Variants in TECTA observed in about 807,000 individuals in gnomAD.
TECTA encodes tectorin alpha.
A neutral mutation model predicts 216.8 loss-of-function variants in TECTA; 128 were observed. That is an observed-to-expected ratio of 0.59 (90% CI 0.51 to 0.68). TECTA has a LOEUF of 0.68. Among genes scored for constraint, TECTA ranks in the 30% least tolerant of loss-of-function variants. The pLI is 0.00. For synonymous variants in TECTA, 1,089 were observed against 1,117.1 expected (o/e 0.97, Z 0.50); for missense variants, 2,551 against 2,786.2 (o/e 0.92, Z 1.90).
intron 8 of TECTA, among the ~76,000 whole-genome samples, chr11:121,126,140 G>T (rs1396283233): frequency 6.6e-6 from 1 of 152,192 alleles, no homozygotes; most frequent in Non-Finnish European, 1.5e-5. Flanking sequence ...AGCAGGGGAC[G>T]GCAGCTCCAG....
At chr11:121,125,954 T>C in intron 8 of TECTA, 82 bp downstream of exon 8, 1 of 1,471,564 alleles carries the variant, frequency 6.8e-7, no homozygotes, top group Non-Finnish European at 9.2e-7. Context: ...CCAAATGTCC[T>C]TGTTAAGACT....
At chr11:121,184,038 C>T (rs569111845) in intron 20 of TECTA, among the ~76,000 whole-genome samples, 2 of 152,316 alleles carry the variant, frequency 1.3e-5, no homozygotes, top group African/African-American at 4.8e-5. Flanking sequence ...ATCCTCCCAT[C>T]TTCGCCTCCC....
Position 121,125,349 on chromosome 11 carries a change from A to G in TECTA, c.1251A>G (p.Thr417=). 1 of 1,614,174 alleles carries G rather than the reference A, an allele frequency of 6.2e-7. No homozygotes were observed. Among genetic ancestry groups the G allele is most frequent in the Non-Finnish European group, 8.5e-7 (1 of 1,180,054 alleles). ...TSLPVTLDLG[T]VKIYQSGIST... ...TGCCTGTCACCTTAGACTTGGGGAC[A>G]GTGAAAATCTACCAGAGTGGCATAT... Residue 417 remains threonine (T), a synonymous_variant, in exon 8 of 24, where the codon ACA becomes ACG. Coordinates refer to ENST00000392793, the MANE Select transcript of TECTA (RefSeq NM_005422.4).
chr11:121,103,538 C>G (rs1477358328), intron 2 of TECTA, among the ~76,000 whole-genome samples: 2 of 151,990 alleles, frequency 1.3e-5, no homozygotes, highest in Non-Finnish European at 2.9e-5. Flanking sequence ...CCCTTGACTT[C>G]AACCTCCTAC....
intron 10 of TECTA, among the ~76,000 whole-genome samples, chr11:121,135,429 T>C (rs1053157061): frequency 6.6e-6 from 1 of 152,246 alleles, no homozygotes; most frequent in African/African-American, 2.4e-5. Context: ...TCATGTTATT[T>C]GCTATCACCA....
chr11:121,148,420 A>C (rs913612588), intron 12 of TECTA, among the ~76,000 whole-genome samples: 1 of 152,142 alleles, frequency 6.6e-6, no homozygotes, highest in Non-Finnish European at 1.5e-5. Context: ...TATATGTTTT[A>C]AAGATGGTAT....
chr11:121,153,283 A>G lies in TECTA; in HGVS notation c.4305+203A>G, dbSNP rs686882. On this transcript the variant is annotated intron_variant, in intron 13 of 23. Coordinates refer to ENST00000392793, the MANE Select transcript of TECTA (RefSeq NM_005422.4). ...GGCACTGAGTGTCAGATTTGGAAAAACACCTGAGTGTCTCCTTCCTCCCTC... is the reference window on the plus strand; with the variant it reads ...GGCACTGAGTGTCAGATTTGGAAAAGCACCTGAGTGTCTCCTTCCTCCCTC... 0.46 allele frequency among the ~76,000 whole-genome samples: 69,124 copies of G among 151,784 alleles called. 18,296 individuals carry two copies. Among genetic ancestry groups the G allele is most frequent in the African/African-American group, 0.74 (30,655 of 41,428 alleles).
rs549872431 is a variant in TECTA at position 121,127,596 on chromosome 11, G to T, written c.1775-156G>T. 6.6e-6 allele frequency among the ~76,000 whole-genome samples: 1 copy of T among 152,272 alleles called. No individual in the cohort carries two copies. The highest frequency in any genetic ancestry group is 2.4e-5 in the African/African-American group (1 of 41,550). On this transcript the variant is annotated intron_variant, in intron 8 of 23. Transcript: ENST00000392793. The surrounding 1 kb of genome is among the most constrained non-coding windows in gnomAD (Gnocchi z 5.0). Reference sequence around the variant, plus strand: ...GTTATTAGGAGAGTCATTGAGCTGGGTTTTACAGATACAACCTCAATTCTG... The same window carrying T: ...GTTATTAGGAGAGTCATTGAGCTGGTTTTTACAGATACAACCTCAATTCTG...
At chr11:121,181,246 C>A (rs965499972) in intron 20 of TECTA, among the ~76,000 whole-genome samples, 2 of 152,090 alleles carry the variant, frequency 1.3e-5, no homozygotes. Context: ...TCATTGAATT[C>A]TTCAGTTCCA....
Position 121,146,113 on chromosome 11 carries a change from T to G in TECTA, c.4102T>G (p.Cys1368Gly), listed in dbSNP as rs1946836320. Residue 1368 changes from cysteine (C) to glycine (G), a missense_variant, in exon 12 of 24, where the codon TGC (cysteine) becomes GGC (glycine). By Grantham distance (159) the Cys-to-Gly change is radical. This residue lies in a region of TECTA where 2,375 missense variants were observed against 2,563.9 expected (regional missense o/e 0.93). Transcript: ENST00000392793. The part of the protein sequence containing the change: ...TVTGWRNYTS[C>G]TVTCPPNSHY... Reference sequence around the variant, plus strand: ...GACTGGCTGGAGGAATTACACGTCCTGCAGTGAGTCCTTCTCGTTGTCCCT... The same window carrying G: ...GACTGGCTGGAGGAATTACACGTCCGGCAGTGAGTCCTTCTCGTTGTCCCT... 1 of 1,607,140 alleles carries G rather than the reference T, an allele frequency of 6.2e-7. No individual in the cohort carries two copies. The highest frequency in any genetic ancestry group is 8.5e-7 in the Non-Finnish European group (1 of 1,180,008).
At chr11:121,178,046 G>T (rs1047616103) in intron 20 of TECTA, among the ~76,000 whole-genome samples, 1 of 152,220 alleles carries the variant, frequency 6.6e-6, no homozygotes, top group African/African-American at 2.4e-5. Context: ...GCAGTATTGG[G>T]GTGGGAGTGA....
At chr11:121,182,288 G>A (rs1457314669) in intron 20 of TECTA, among the ~76,000 whole-genome samples, 2 of 151,944 alleles carry the variant, frequency 1.3e-5, no homozygotes, top group African/African-American at 4.8e-5. Context: ...AGCAGCAGTG[G>A]GCCAACTCTC....
At chr11:121,108,558 C>T (rs1030408795) in intron 3 of TECTA, among the ~76,000 whole-genome samples, 1 of 146,940 alleles carries the variant, frequency 6.8e-6, no homozygotes, top group South Asian at 2.2e-4. Context: ...ACACCACCCC[C>T]AGTACACACA....
intron 11 of TECTA, among the ~76,000 whole-genome samples, chr11:121,143,928 C>T (rs1206896296): frequency 6.6e-6 from 1 of 152,186 alleles, no homozygotes; most frequent in Non-Finnish European, 1.5e-5. Context: ...CAGTCATTGG[C>T]CAAGGACTAC....
intron 6 of TECTA, among the ~76,000 whole-genome samples, chr11:121,115,648 T>A (rs1433974886): frequency 6.6e-6 from 1 of 152,138 alleles, no homozygotes; most frequent in Non-Finnish European, 1.5e-5. Context: ...TTGTTGTTGT[T>A]GTTGTTGTTT....
Position 121,168,705 on chromosome 11 carries a change from G to A in TECTA, c.5779G>A (p.Glu1927Lys). ...AATTAACCTGACAGTTCCAACCCAA[G>A]AAGGCAGCTTCATCACCAAGATGGC... is the stretch of plus-strand genomic sequence containing the variant. ...SVINLTVPTQEGSFITKMALY... is the reference protein window; with the variant it reads ...SVINLTVPTQKGSFITKMALY... Residue 1927 changes from glutamate (E) to lysine (K), a missense_variant, in exon 20 of 24, where the codon GAA (glutamate) becomes AAA (lysine). Physicochemically the swap from Glu to Lys is moderately conservative, Grantham distance 56. Coordinates refer to ENST00000392793, the MANE Select transcript of TECTA (RefSeq NM_005422.4). The A allele has an allele frequency of 6.2e-7, 1 of 1,614,124 alleles. No individual in the cohort carries two copies. Among genetic ancestry groups the A allele is most frequent in the Non-Finnish European group, 8.5e-7 (1 of 1,180,014 alleles).
At chr11:121,130,234 G>T in intron 10 of TECTA, 23 bp downstream of exon 10, 1 of 1,598,618 alleles carries the variant, frequency 6.3e-7, no homozygotes, top group Non-Finnish European at 8.5e-7. Flanking sequence ...TGGATTCTGG[G>T]AGAGGCTTTC....
intron 6 of TECTA, among the ~76,000 whole-genome samples, chr11:121,115,186 C>G (rs1946489702): frequency 6.6e-6 from 1 of 151,610 alleles, no homozygotes; most frequent in Non-Finnish European, 1.5e-5. Context: ...CCTACCCACC[C>G]ACCCATTCAC....
At chr11:121,114,053 G>A (rs1946472628) in intron 6 of TECTA, among the ~76,000 whole-genome samples, 1 of 152,108 alleles carries the variant, frequency 6.6e-6, no homozygotes. Context: ...TTTTGTTGTT[G>A]TTGTTGCCAT....
Sources: gnomAD v4.1 joint callset for allele counts (sites outside exome capture counted in the v4.1 genomes callset) on GRCh38, gnomAD v4.1.1 for gene constraint, gnomAD v4.1.1 regional missense constraint, Gnocchi (gnomAD v3.1) non-coding constraint, MANE v1.5 for transcripts, NCBI Gene and HGNC (gene_info 2026-07-23, HGNC 2026-07-21) for gene names.